The following AFAP1 variants were observed in gnomAD, a reference collection of about 807,000 sequenced individuals.
AFAP1 encodes the protein actin filament-associated protein 1.
AFAP1 carries 75 observed loss-of-function variants against 93.9 expected under a neutral mutation model. The ratio of observed to expected loss-of-function variants is 0.80; its 90% confidence interval spans 0.66 to 0.97. AFAP1 has a LOEUF of 0.97. Among genes scored for constraint, AFAP1 ranks in the 50% least tolerant of loss-of-function variants. The pLI is 0.00. For missense variants in AFAP1, 1,201 were observed against 1,050.8 expected (o/e 1.14, Z -1.98); for synonymous variants, 517 against 430.7 (o/e 1.20, Z -2.48).
intron 9 of AFAP1, 120 bp from the exon 10 acceptor site, chr4:7,800,773 C>G: frequency 1.1e-6 from 1 of 950,690 alleles, no homozygotes; most frequent in Middle Eastern, 3.0e-4. Context: ...ATCCTTCACA[C>G]GATCGATCAA....
At chr4:7,892,779 G>A (rs1718545264) in intron 1 of AFAP1, among the ~76,000 whole-genome samples, 1 of 152,048 alleles carries the variant, frequency 6.6e-6, no homozygotes, top group African/African-American at 2.4e-5. Context: ...ATTTGAGACT[G>A]CACCCTGACC....
chr4:7,859,363 G>A (rs922599001), intron 3 of AFAP1, among the ~76,000 whole-genome samples: 3 of 152,098 alleles, frequency 2.0e-5, no homozygotes, highest in Non-Finnish European at 4.4e-5. Context: ...AGGCTGCAGT[G>A]AGCCAAGATC....
At chr4:7,923,189 A>C (rs1011912640) in intron 1 of AFAP1, among the ~76,000 whole-genome samples, 1 of 152,226 alleles carries the variant, frequency 6.6e-6, no homozygotes, top group Admixed American at 6.5e-5. Flanking sequence ...CTATCTTTAT[A>C]TAAAGGAATG....
chr4:7,769,311 G>T (rs577872386), intron 16 of AFAP1, among the ~76,000 whole-genome samples: 7 of 152,248 alleles, frequency 4.6e-5, no homozygotes, highest in African/African-American at 1.7e-4. Flanking sequence ...TCAAAGCTGG[G>T]CTCTTGCATG....
intron 11 of AFAP1, among the ~76,000 whole-genome samples, chr4:7,791,152 A>C (rs1253070553): frequency 6.6e-6 from 1 of 152,236 alleles, no homozygotes; most frequent in African/African-American, 2.4e-5. Context: ...ACACAACAGC[A>C]CAGGCATCTG....
intron 1 of AFAP1, among the ~76,000 whole-genome samples, chr4:7,875,245 C>A (rs887549538): frequency 1.2e-4 from 19 of 152,188 alleles, no homozygotes; most frequent in African/African-American, 4.1e-4. Context: ...AAGATCCATA[C>A]TGAGGCTGCC....
chr4:7,849,954 T>TG (rs1714248553), intron 4 of AFAP1, among the ~76,000 whole-genome samples: 1 of 144,330 alleles, frequency 6.9e-6, no homozygotes, highest in African/African-American at 2.6e-5. Context: ...GGGCTGGGGA[T>TG]GGGGGGTGGA....
In AFAP1 at chr4:7,924,355, G is replaced by C. The variant is rs145473622; in HGVS notation, c.-3+15301C>G. Among the ~76,000 whole-genome samples, 103 of 152,288 alleles carry C rather than the reference G, an allele frequency of 6.8e-4. 2 individuals are homozygous for C. The East Asian group carries it at 0.019, about 29-fold the overall frequency. On this transcript the variant is annotated intron_variant, in intron 1 of 17. Transcript: ENST00000420658. ...AAAAGCTAACACTAACAAACAATGA[G>C]ATGCACAAAAGACAAGATGTATAGA...
intron 1 of AFAP1, among the ~76,000 whole-genome samples, chr4:7,924,614 A>G: frequency 6.6e-6 from 1 of 152,188 alleles, no homozygotes; most frequent in East Asian, 1.9e-4. Flanking sequence ...CCAATTTGTC[A>G]TTTGATATTT....
At chr4:7,778,637 G>A (rs1185510050) in intron 14 of AFAP1, 125 bp downstream of exon 14, 8 of 896,320 alleles carry the variant, frequency 8.9e-6, no homozygotes, top group African/African-American at 6.5e-5. Flanking sequence ...AAGGATGACG[G>A]TGCCCACCGC....
intron 13 of AFAP1, among the ~76,000 whole-genome samples, chr4:7,780,658 TA>T (rs201663689): frequency 3.3e-5 from 5 of 151,216 alleles, no homozygotes; most frequent in Admixed American, 6.6e-5. Context: ...TTTTTTTTTT[TA>T]AAAAGGCCTA....
At chr4:7,902,365 G>A (rs1386866496) in intron 1 of AFAP1, among the ~76,000 whole-genome samples, 2 of 152,180 alleles carry the variant, frequency 1.3e-5, no homozygotes, top group African/African-American at 2.4e-5. Context: ...AGTTGGTGCT[G>A]CATCTGTCTT....
intron 11 of AFAP1, chr4:7,788,607 G>A (rs1379763408): frequency 6.6e-6 from 1 of 152,164 alleles, no homozygotes; most frequent in Non-Finnish European, 1.5e-5. Flanking sequence ...AGAAGGAAAG[G>A]CACAGCAAAA....
At chr4:7,902,193 T>A (rs1233917279) in intron 1 of AFAP1, among the ~76,000 whole-genome samples, 1 of 152,154 alleles carries the variant, frequency 6.6e-6, no homozygotes, top group Non-Finnish European at 1.5e-5. Context: ...AGGGGACAGA[T>A]AATAATCAGT....
chr4:7,867,885 C>G (rs548952149), intron 3 of AFAP1, among the ~76,000 whole-genome samples: 123 of 152,276 alleles, frequency 8.1e-4, no homozygotes, highest in Non-Finnish European at 9.6e-4. Context: ...AGAAACGGCC[C>G]TGCCTTCCCA....
At chr4:7,817,236 C>A (rs915432525) in intron 7 of AFAP1, among the ~76,000 whole-genome samples, 16 of 152,172 alleles carry the variant, frequency 1.1e-4, no homozygotes, top group Non-Finnish European at 2.9e-5. Flanking sequence ...AATCTATTCT[C>A]AGGTAATAGG....
rs144195596 is a variant in AFAP1, at chr4:7,905,945, C to T, written c.-3+33711G>A. Among the ~76,000 whole-genome samples, 494 of 152,302 alleles carry T rather than the reference C, an allele frequency of 3.2e-3. 2 individuals are homozygous for T. Among genetic ancestry groups the T allele is most frequent in the Middle Eastern group, 6.8e-3 (2 of 294 alleles). On this transcript the variant is annotated intron_variant, in intron 1 of 17. Coordinates refer to ENST00000420658, the MANE Select transcript of AFAP1 (RefSeq NM_001134647.2). ...CTTCCGCAGGGGGACACGCATGCAA[C>T]GTGGAGGCAGGAGACACCCCCACGC...
At chr4:7,806,412 G>T (rs762980376) in intron 9 of AFAP1, among the ~76,000 whole-genome samples, 9 of 151,988 alleles carry the variant, frequency 5.9e-5, no homozygotes, top group Non-Finnish European at 1.0e-4. Context: ...TTAGGGGAAC[G>T]GCTGACCCAG....
chr4:7,872,012 T>C lies in AFAP1; in HGVS notation c.67A>G (p.Thr23Ala). 2.5e-6 allele frequency: 4 copies of C among 1,614,122 alleles called. No homozygotes were observed. The highest frequency in any genetic ancestry group is 2.5e-6 in the Non-Finnish European group (3 of 1,179,992). The part of the protein sequence containing the change: ...ELLDHEYLTS[T>A]VREKKAVITN... ...ATCACTGCCTTTTTCTCCCTGACAG[T>C]TGAGGTTAGATATTCATGGTCCAGG... The change falls in exon 2 of 18, where the codon ACT becomes GCT. Residue 23 changes from threonine (T) to alanine (A), a missense_variant. Coordinates refer to ENST00000420658, the MANE Select transcript of AFAP1 (RefSeq NM_001134647.2).
Sources: gnomAD v4.1 joint callset for allele counts (sites outside exome capture counted in the v4.1 genomes callset) on GRCh38, gnomAD v4.1.1 for gene constraint, MANE v1.5 for transcripts, NCBI Gene and HGNC (gene_info 2026-07-23, HGNC 2026-07-21) for gene names.